The following DGUOK variants were observed in gnomAD, a reference collection of about 807,000 sequenced individuals.
DGUOK encodes deoxyguanosine kinase, mitochondrial.
In DGUOK, 30 loss-of-function variants were observed where a neutral mutation model predicts 36.6. That is an observed-to-expected ratio of 0.82 (90% CI 0.61 to 1.11). The LOEUF is 1.11. Ranked by LOEUF, DGUOK falls within the 50% of genes most tolerant of loss-of-function variation. The pLI, the probability that DGUOK is intolerant of heterozygous loss-of-function variation, is 0.00. For missense variants in DGUOK, 361 were observed against 336.4 expected (o/e 1.07, Z -0.57); for synonymous variants, 145 against 126.3 (o/e 1.15, Z -0.99).
chr2:73,958,330 C>A, intron 6 of DGUOK, 85 bp downstream of exon 6: 1 of 1,042,924 alleles, frequency 9.6e-7, no homozygotes, highest in Non-Finnish European at 1.5e-6. Context: ...AGTTCAATAT[C>A]ATGGGTCTTG....
intron 1 of DGUOK, among the ~76,000 whole-genome samples, chr2:73,928,129 T>C (rs1680745310): frequency 6.6e-6 from 1 of 152,164 alleles, no homozygotes; most frequent in African/African-American, 2.4e-5. Context: ...AGGGAAGTTT[T>C]TATTTTATTT....
Position 73,957,216 on chromosome 2 carries a change from C to A in DGUOK, c.683C>A (p.Ala228Asp). ...GAGCAGCTGCATGGCCAACACGAAG[C>A]CTGGCTTATTCACAAGACAACGAAG... ...YLEQLHGQHE[A>D]WLIHKTTKLH... The change falls in exon 5 of 7, where the codon GCC (alanine) becomes GAC (aspartate). Residue 228 changes from alanine to aspartate, a missense_variant. Coordinates refer to ENST00000264093, the MANE Select transcript of DGUOK (RefSeq NM_080916.3). 6.2e-7 allele frequency: 1 copy of A among 1,613,978 alleles called. No individual in the cohort carries two copies. Among genetic ancestry groups the A allele is most frequent in the Non-Finnish European group, 8.5e-7 (1 of 1,179,936 alleles).
intron 1 of DGUOK, among the ~76,000 whole-genome samples, chr2:73,931,444 C>T (rs1487302977): frequency 6.6e-6 from 1 of 152,134 alleles, no homozygotes; most frequent in Non-Finnish European, 1.5e-5. Flanking sequence ...CTAGCTAACA[C>T]ATGCAGTTTT....
chr2:73,955,395 C>T (rs1384284063), intron 4 of DGUOK, among the ~76,000 whole-genome samples: 1 of 152,162 alleles, frequency 6.6e-6, no homozygotes, highest in African/African-American at 2.4e-5. Context: ...TCTAAGGAGG[C>T]AGTCTGGCAG....
chr2:73,933,081 A>G (rs550176379), intron 1 of DGUOK, among the ~76,000 whole-genome samples: 23 of 152,254 alleles, frequency 1.5e-4, no homozygotes, highest in Non-Finnish European at 2.9e-4. Context: ...GCACTTTTCA[A>G]TCAAGAAACT....
chr2:73,929,538 T>C (rs1558640366), intron 1 of DGUOK, among the ~76,000 whole-genome samples: 1 of 152,132 alleles, frequency 6.6e-6, no homozygotes, highest in Non-Finnish European at 1.5e-5. Flanking sequence ...TGCCAGAGAC[T>C]ATGTGTTGAT....
chr2:73,935,047 G>A lies in DGUOK; in HGVS notation c.143-3863G>A, dbSNP rs560797641. The stretch of plus-strand genomic sequence containing the variant: ...GCCGAGATTGTGCCACTGCACTCCA[G>A]CCTGGGCAACAGCTAGACTCTGTCT... On this transcript the variant is annotated intron_variant, in intron 1 of 6. Coordinates refer to ENST00000264093, the MANE Select transcript of DGUOK (RefSeq NM_080916.3). Among the ~76,000 whole-genome samples, 12 of 152,158 alleles carry A rather than the reference G, an allele frequency of 7.9e-5. No individual in the cohort carries two copies. In the South Asian group the frequency reaches 2.3e-3, roughly 29 times the overall value.
Position 73,958,249 on chromosome 2 carries a change from G to A in DGUOK, c.807+4G>A. ...ACAAGAAGACCTCATGAGAGAGGTG[G>A]GAAGGACTTTAACTCCTGTTTTCTG... On this transcript the variant is annotated splice_donor_region_variant and intron_variant, in intron 6 of 6. Transcript: ENST00000264093. The A allele has an allele frequency of 5.0e-6, 8 of 1,607,906 alleles. No individual in the cohort carries two copies. The highest frequency in any genetic ancestry group is 2.2e-5 in the East Asian group (1 of 44,818).
At chr2:73,953,257 A>ATGG (rs1225653236) in intron 4 of DGUOK, among the ~76,000 whole-genome samples, 3 of 108,930 alleles carry the variant, frequency 2.8e-5, no homozygotes, top group East Asian at 2.5e-4. Context: ...ACCATAGCAA[A>ATGG]TGGTGATGAT....
At chr2:73,928,106 G>A (rs1680743807) in intron 1 of DGUOK, among the ~76,000 whole-genome samples, 1 of 152,104 alleles carries the variant, frequency 6.6e-6, no homozygotes, top group Admixed American at 6.5e-5. Context: ...GAAAAATTAG[G>A]GATGAAGAAT....
chr2:73,942,767 A>G (rs1681992093), intron 2 of DGUOK, among the ~76,000 whole-genome samples: 1 of 152,148 alleles, frequency 6.6e-6, no homozygotes, highest in Non-Finnish European at 1.5e-5. Context: ...TAGTTTCCTT[A>G]TCTTGTTCTG....
chr2:73,950,600 G>T lies in DGUOK; in HGVS notation c.459G>T (p.Lys153Asn), dbSNP rs975743023. 6.2e-7 allele frequency: 1 copy of T among 1,614,088 alleles called. No individual in the cohort carries two copies. Among genetic ancestry groups the T allele is most frequent in the Non-Finnish European group, 8.5e-7 (1 of 1,180,024 alleles). Reference protein sequence around the residue: ...SVYSDRYIFAKNLFENGSLSD... With the variant: ...SVYSDRYIFANNLFENGSLSD... ...TTCCAACCAGGTATATCTTTGCAAA[G>T]AATCTTTTTGAAAATGGTTCCCTCA... Residue 153 changes from lysine (K) to asparagine (N), a missense_variant, in exon 4 of 7, where the codon AAG (lysine) becomes AAT (asparagine). Physicochemically the swap from Lys to Asn is moderately conservative, Grantham distance 94 (BLOSUM62 0). Transcript: ENST00000264093.
intron 1 of DGUOK, among the ~76,000 whole-genome samples, chr2:73,933,967 CTT>C (rs1037255798): frequency 1.3e-5 from 2 of 152,024 alleles, no homozygotes; most frequent in Non-Finnish European, 2.9e-5. Flanking sequence ...TATGTTCTGA[CTT>C]TGTTGGATTT....
chr2:73,939,468 A>ACAT (rs1681734867), intron 2 of DGUOK, among the ~76,000 whole-genome samples: 1 of 152,246 alleles, frequency 6.6e-6, no homozygotes. Flanking sequence ...GTTACAGCTA[A>ACAT]CATTTATGAG....
intron 1 of DGUOK, among the ~76,000 whole-genome samples, chr2:73,935,988 A>T (rs1321369320): frequency 6.6e-6 from 1 of 152,198 alleles, no homozygotes; most frequent in African/African-American, 2.4e-5. Flanking sequence ...CATCTGCAAC[A>T]GTTTTTTAAG....
intron 1 of DGUOK, among the ~76,000 whole-genome samples, chr2:73,936,611 C>A (rs1215896931): frequency 6.6e-6 from 1 of 152,184 alleles, no homozygotes; most frequent in African/African-American, 2.4e-5. Flanking sequence ...AGGATGCCCC[C>A]CTTCTTTCCC....
chr2:73,940,886 A>G (rs111528508), intron 2 of DGUOK, among the ~76,000 whole-genome samples: 2 of 152,336 alleles, frequency 1.3e-5, no homozygotes, highest in Middle Eastern at 3.4e-3. Context: ...CACAGTGACA[A>G]AATTGTCTAA....
chr2:73,934,919 A>G (rs1448661160), intron 1 of DGUOK, among the ~76,000 whole-genome samples: 1 of 152,014 alleles, frequency 6.6e-6, no homozygotes, highest in Non-Finnish European at 1.5e-5. Context: ...CCAAAAATAC[A>G]AAAATTAGCC....
In DGUOK at chr2:73,949,571, G is replaced by T. The variant is rs1682564515; in HGVS notation, c.444-1014G>T. Among the ~76,000 whole-genome samples, 6 of 152,174 alleles carry T rather than the reference G, an allele frequency of 3.9e-5. No individual in the cohort carries two copies. In the South Asian group the frequency reaches 1.2e-3, roughly 32 times the overall value. ...GCCTGAAGTTACATAGCTAGTGAAT[G>T]TTTCAGCCAGTATCAGACCCTGAAA... On this transcript the variant is annotated intron_variant, in intron 3 of 6. Transcript: ENST00000264093.
Sources: gnomAD v4.1 joint callset for allele counts (sites outside exome capture counted in the v4.1 genomes callset) on GRCh38, gnomAD v4.1.1 for gene constraint, MANE v1.5 for transcripts, NCBI Gene and HGNC (gene_info 2026-07-23, HGNC 2026-07-21) for gene names.